Variants in ASTN2 observed in about 807,000 individuals in gnomAD.
ASTN2 encodes the protein astrotactin 2.
ASTN2 carries 54 observed loss-of-function variants against 139.8 expected under a neutral mutation model. The ratio of observed to expected loss-of-function variants is 0.39; its 90% CI spans 0.31 to 0.48. The LOEUF is 0.48. Among genes scored for constraint, ASTN2 ranks in the 20% least tolerant of loss-of-function variants. ASTN2 has a pLI of 0.95. For missense variants in ASTN2, 1,565 were observed against 1,725.1 expected (o/e 0.91, Z 1.64); for synonymous variants, 756 against 719.5 (o/e 1.05, Z -0.81).
intron 1 of ASTN2, among the ~76,000 whole-genome samples, chr9:117,332,789 C>T (rs1306587590): frequency 1.3e-5 from 2 of 152,146 alleles, no homozygotes; most frequent in African/African-American, 2.4e-5. Context: ...CTCAATATGG[C>T]ATATCCATAC....
intron 19 of ASTN2, among the ~76,000 whole-genome samples, chr9:116,488,804 GCTTAT>G (rs1849418618): frequency 6.6e-6 from 1 of 152,080 alleles, no homozygotes. Flanking sequence ...TCTTATTTTT[GCTTAT>G]CTCTATTTTA....
intron 8 of ASTN2, among the ~76,000 whole-genome samples, chr9:116,976,440 G>A (rs1397588108): frequency 6.6e-6 from 1 of 152,226 alleles, no homozygotes. Context: ...ACTTAAGAAA[G>A]TGTTCATTGA....
intron 11 of ASTN2, among the ~76,000 whole-genome samples, chr9:116,826,201 C>A (rs1336871367): frequency 2.0e-5 from 3 of 152,130 alleles, no homozygotes; most frequent in East Asian, 3.9e-4. Flanking sequence ...GACAGGGAGA[C>A]CAGGCTATCC....
intron 19 of ASTN2, among the ~76,000 whole-genome samples, chr9:116,530,152 A>T (rs2900130): frequency 0.15 from 3,824 of 24,874 alleles, 470 homozygotes; most frequent in South Asian, 0.33. Context: ...TATATATATA[A>T]AATAGAATAT....
chr9:117,221,380 G>A (rs1429067705), intron 2 of ASTN2, among the ~76,000 whole-genome samples: 1 of 151,994 alleles, frequency 6.6e-6, no homozygotes, highest in Non-Finnish European at 1.5e-5. Context: ...AAATATCAAG[G>A]CATGAAAGAA....
At chr9:117,399,435 A>G (rs904650662) in intron 1 of ASTN2, among the ~76,000 whole-genome samples, 6 of 152,230 alleles carry the variant, frequency 3.9e-5, no homozygotes, top group Non-Finnish European at 7.3e-5. Flanking sequence ...TTAGAGGACT[A>G]TCTTCGTCTC....
chr9:116,445,913 G>C (rs1016488663), intron 20 of ASTN2, among the ~76,000 whole-genome samples: 4 of 152,150 alleles, frequency 2.6e-5, no homozygotes, highest in African/African-American at 9.7e-5. Flanking sequence ...CTGGGGGGTG[G>C]AGAAAGAGGA....
chr9:116,706,790 C>G (rs1427631787), intron 16 of ASTN2, among the ~76,000 whole-genome samples: 3 of 113,370 alleles, frequency 2.6e-5, no homozygotes, highest in Non-Finnish European at 5.1e-5. Context: ...TTTTTTGTCA[C>G]TGCTGGCAAG....
chr9:116,933,974 TAGTCC>T (rs2132455948), intron 10 of ASTN2, among the ~76,000 whole-genome samples: 1 of 117,054 alleles, frequency 8.5e-6, no homozygotes, highest in East Asian at 2.3e-4. Flanking sequence ...TGCGAAGTGT[TAGTCC>T]TTTTTTTTTT....
intron 16 of ASTN2, chr9:116,700,660 G>C (rs893126039): frequency 1.2e-5 from 2 of 166,878 alleles, no homozygotes; most frequent in African/African-American, 4.8e-5. Flanking sequence ...TTGTTATTCT[G>C]TGTTTTCCTC....
intron 2 of ASTN2, among the ~76,000 whole-genome samples, chr9:117,223,819 T>C (rs545426598): frequency 6.6e-6 from 1 of 152,316 alleles, no homozygotes; most frequent in East Asian, 1.9e-4. Context: ...TTTTTGCCTC[T>C]AGACAGATAT....
chr9:116,642,852 C>G (rs1199600614), intron 17 of ASTN2, among the ~76,000 whole-genome samples: 1 of 152,118 alleles, frequency 6.6e-6, no homozygotes, highest in East Asian at 1.9e-4. Flanking sequence ...TTGCACAGCA[C>G]CCGAATTTTA....
At chr9:117,002,634 T>C (rs1251684741) in intron 7 of ASTN2, among the ~76,000 whole-genome samples, 2 of 152,218 alleles carry the variant, frequency 1.3e-5, no homozygotes, top group Non-Finnish European at 2.9e-5. Flanking sequence ...AGAATTGGTA[T>C]ATACAATTGT....
chr9:116,479,403 G>C (rs1849095124), intron 20 of ASTN2, among the ~76,000 whole-genome samples: 1 of 152,214 alleles, frequency 6.6e-6, no homozygotes, highest in African/African-American at 2.4e-5. Context: ...GTGCTTCCCA[G>C]GCTGTGCCCA....
At chr9:117,060,514 G>T (rs11506909) in intron 5 of ASTN2, among the ~76,000 whole-genome samples, 5 of 115,502 alleles carry the variant, frequency 4.3e-5, no homozygotes, top group African/African-American at 2.0e-4. Flanking sequence ...AGAAAGAAAG[G>T]AAGGAAGGAA....
chr9:116,587,346 T>TAAA (rs1373615741), intron 19 of ASTN2, among the ~76,000 whole-genome samples: 1 of 126,214 alleles, frequency 7.9e-6, no homozygotes, highest in South Asian at 2.3e-4. Context: ...ATCTCAAATT[T>TAAA]AAAAAAAAAA....
chr9:117,390,780 T>G (rs1378968066), intron 1 of ASTN2, among the ~76,000 whole-genome samples: 1 of 152,192 alleles, frequency 6.6e-6, no homozygotes, highest in Non-Finnish European at 1.5e-5. Context: ...TCCTCCACAT[T>G]TTGACAATTA....
intron 4 of ASTN2, among the ~76,000 whole-genome samples, chr9:117,105,448 T>C (rs1829079533): frequency 6.6e-6 from 1 of 152,150 alleles, no homozygotes; most frequent in Non-Finnish European, 1.5e-5. Flanking sequence ...GAGAACCTTC[T>C]AGTTGATTCT....
In ASTN2 at chr9:117,179,043, G is replaced by A. The variant is rs557033137; in HGVS notation, c.1015+35315C>T. On this transcript the variant is annotated intron_variant, in intron 3 of 22. Coordinates refer to ENST00000313400, the MANE Select transcript of ASTN2 (RefSeq NM_001365068.1). ...GAGAGTAGTAACAGAGATAACGTAC[G>A]TGCACACAATCCTTAACAGTCTATA... Among the ~76,000 whole-genome samples, 21 of 152,260 alleles carry A rather than the reference G, an allele frequency of 1.4e-4. 1 individual carries two copies. The South Asian group carries it at 2.5e-3, about 18-fold the overall frequency.
Sources: allele counts gnomAD v4.1 joint callset (sites outside exome capture counted in the v4.1 genomes callset), GRCh38; gene constraint gnomAD v4.1.1; transcripts MANE v1.5; gene names NCBI Gene and HGNC (gene_info 2026-07-23, HGNC 2026-07-21).